The following GALNT9 variants were observed in gnomAD, a reference collection of about 807,000 sequenced individuals.
The protein encoded by GALNT9 is GalNAc transferase 9.
A neutral mutation model predicts 63.1 loss-of-function variants in GALNT9; 47 were observed. The observed-to-expected ratio is 0.75, with a 90% CI of 0.59 to 0.95. GALNT9 has a LOEUF of 0.95. GALNT9 is among the 40% of genes least tolerant of loss of function. GALNT9 has a pLI of 0.00. For missense variants in GALNT9, 829 were observed against 874.8 expected (o/e 0.95, Z 0.66); for synonymous variants, 396 against 365.7 (o/e 1.08, Z -0.94).
At position 132,321,010 on chromosome 12, in the gene GALNT9, C is replaced by T. The variant is rs536073177; in HGVS notation, c.238+7956G>A. ...CGCCACAGTCAGTGAGGCAGGTGCC[C>T]AGGGTGGACTCTCGCTCCAGGGGCC... On this transcript the variant is annotated intron_variant, in intron 1 of 10. Coordinates refer to ENST00000328957, the MANE Select transcript of GALNT9 (RefSeq NM_001122636.2). 3.5e-4 allele frequency among the ~76,000 whole-genome samples: 53 copies of T among 152,292 alleles called. No homozygotes were observed. In the South Asian group the frequency reaches 0.011, roughly 30 times the overall value.
chr12:132,200,925 G>T (rs1876022260), intron 8 of GALNT9, 199 bp downstream of exon 8: 1 of 580,640 alleles, frequency 1.7e-6, no homozygotes, highest in Non-Finnish European at 3.1e-6. Context: ...GCACGTGGAT[G>T]TGCCTGCATC....
At chr12:132,281,567 G>T (rs1023242202) in intron 2 of GALNT9, among the ~76,000 whole-genome samples, 1 of 152,226 alleles carries the variant, frequency 6.6e-6, no homozygotes, top group African/African-American at 2.4e-5. Flanking sequence ...TATAAACTGG[G>T]TTTCTATCAG....
At position 132,319,725 on chromosome 12, in the gene GALNT9, G is replaced by A. The variant is rs1346011539; in HGVS notation, c.238+9241C>T. 2.0e-5 allele frequency among the ~76,000 whole-genome samples: 3 copies of A among 152,182 alleles called. No homozygotes were observed. Among genetic ancestry groups the A allele is most frequent in the Non-Finnish European group, 2.9e-5 (2 of 68,026 alleles). On this transcript the variant is annotated intron_variant, in intron 1 of 10. Coordinates refer to ENST00000328957, the MANE Select transcript of GALNT9 (RefSeq NM_001122636.2). This position sits in a 1 kb window ranked among gnomAD's most constrained non-coding sequence, Gnocchi z 5.2. ...CACACAGCTGTACCCGGCACAACAC[G>A]CGGCCACAGGTCACCTCAGGTCGCC...
intron 1 of GALNT9, among the ~76,000 whole-genome samples, chr12:132,297,365 C>T (rs1376590325): frequency 2.6e-5 from 4 of 151,370 alleles, no homozygotes; most frequent in Admixed American, 1.3e-4. Context: ...AAGCCACTCC[C>T]GAGATAACCA....
intron 2 of GALNT9, among the ~76,000 whole-genome samples, chr12:132,266,277 C>T (rs965354465): frequency 6.6e-6 from 1 of 152,250 alleles, no homozygotes; most frequent in East Asian, 1.9e-4. Flanking sequence ...GGACTCCCCT[C>T]GAGCTAAGGG....
Position 132,286,159 on chromosome 12 carries a change from C to T in GALNT9, c.419+91G>A, listed in dbSNP as rs1158156227. 31 of 1,367,662 alleles carry T rather than the reference C, an allele frequency of 2.3e-5. No homozygotes were observed. Among genetic ancestry groups the T allele is most frequent in the East Asian group, 2.9e-5 (1 of 34,164 alleles). 84.7% of individuals were successfully genotyped at this position (1,367,662 alleles called of 1,614,324 possible). ...CGTGGGGGCCGCTCACTTCCCCGGC[C>T]GGCGTGGGGGGCAGTCACTTCCCTG... On this transcript the variant is annotated intron_variant, in intron 2 of 10. Transcript: ENST00000328957. The surrounding 1 kb of genome is among the most constrained non-coding windows in gnomAD (Gnocchi z 7.4).
intron 1 of GALNT9, among the ~76,000 whole-genome samples, chr12:132,297,199 A>G (rs1210418157): frequency 6.6e-6 from 1 of 151,450 alleles, no homozygotes; most frequent in African/African-American, 2.4e-5. Context: ...ACAATAACCA[A>G]CTCACTCTGA....
chr12:132,222,905 AC>A (rs1877511055), intron 6 of GALNT9, among the ~76,000 whole-genome samples: 1 of 86,526 alleles, frequency 1.2e-5, no homozygotes, highest in South Asian at 4.1e-4. Flanking sequence ...CGCACCCCAC[AC>A]CCCACATACA....
In GALNT9 at chr12:132,315,475, T is replaced by A. The variant is rs1458871802; in HGVS notation, c.238+13491A>T. 6.6e-6 allele frequency among the ~76,000 whole-genome samples: 1 copy of A among 152,258 alleles called. No individual in the cohort carries two copies. The highest frequency in any genetic ancestry group is 1.5e-5 in the Non-Finnish European group (1 of 68,052). On this transcript the variant is annotated intron_variant, in intron 1 of 10. Transcript: ENST00000328957. This position sits in a 1 kb window ranked among gnomAD's most constrained non-coding sequence, Gnocchi z 6.1. ...CCCCTTGCAGAATTCAGACCCCGTCTGTTCTTTTCTGACTTAGAAATAAAA... is the reference window on the plus strand; with the variant it reads ...CCCCTTGCAGAATTCAGACCCCGTCAGTTCTTTTCTGACTTAGAAATAAAA...
chr12:132,244,250 G>T (rs2135532345), intron 6 of GALNT9, among the ~76,000 whole-genome samples: 1 of 89,972 alleles, frequency 1.1e-5, no homozygotes, highest in East Asian at 3.0e-4. Flanking sequence ...CGGCAGGGCT[G>T]GGGCTAGACG....
intron 1 of GALNT9, among the ~76,000 whole-genome samples, chr12:132,309,868 G>A (rs1236439047): frequency 3.3e-5 from 5 of 152,366 alleles, no homozygotes; most frequent in South Asian, 2.1e-4. Context: ...GCAGACGCCC[G>A]GGCCACCACC....
chr12:132,258,950 C>T (rs541652256), intron 4 of GALNT9, among the ~76,000 whole-genome samples: 6 of 152,072 alleles, frequency 3.9e-5, no homozygotes, highest in Admixed American at 6.5e-5. Flanking sequence ...AGATTCGGGT[C>T]GGCTCAGGCA....
intron 6 of GALNT9, among the ~76,000 whole-genome samples, chr12:132,230,607 G>A (rs1427021801): frequency 6.7e-6 from 1 of 149,448 alleles, no homozygotes; most frequent in Non-Finnish European, 1.5e-5. Flanking sequence ...CTCGTGGCGG[G>A]GAAGTCCTCA....
intron 1 of GALNT9, among the ~76,000 whole-genome samples, chr12:132,318,899 C>T (rs1287103538): frequency 6.6e-6 from 1 of 152,258 alleles, no homozygotes; most frequent in Non-Finnish European, 1.5e-5. Context: ...TCAGAGATGA[C>T]AGTCCTAACG....
At chr12:132,243,307 C>G (rs1555237590) in intron 6 of GALNT9, among the ~76,000 whole-genome samples, 2 of 103,488 alleles carry the variant, frequency 1.9e-5, no homozygotes, top group African/African-American at 9.3e-5. Flanking sequence ...CTCCCTATAC[C>G]CATTACACAC....
intron 5 of GALNT9, 63 bp from the exon 6 acceptor site, chr12:132,248,090 C>T: frequency 6.7e-7 from 1 of 1,500,160 alleles, no homozygotes; most frequent in South Asian, 1.3e-5. Context: ...GCCTGCTGGG[C>T]CATGAGCCAG....
At position 132,286,504 on chromosome 12, in the gene GALNT9, C is replaced by T. The variant is rs1210836059; in HGVS notation, c.239-74G>A. 9.6e-6 allele frequency: 14 copies of T among 1,451,820 alleles called. No individual in the cohort carries two copies. Among genetic ancestry groups the T allele is most frequent in the South Asian group, 5.7e-5 (4 of 69,566 alleles). The allele number at this position is 1,451,820 out of a possible 1,614,324, so 89.9% of individuals were successfully genotyped here. ...GTCTGCACCCAGGAGACGCCCCTCC[C>T]GCCCCTCTCCCCGACGGCCGCTTCC... On this transcript the variant is annotated intron_variant, in intron 1 of 10. Transcript: ENST00000328957. This position sits in a 1 kb window ranked among gnomAD's most constrained non-coding sequence, Gnocchi z 7.4.
chr12:132,324,973 C>T (rs1868975442), intron 1 of GALNT9, among the ~76,000 whole-genome samples: 1 of 152,252 alleles, frequency 6.6e-6, no homozygotes, highest in Non-Finnish European at 1.5e-5. Flanking sequence ...TGGGGCTTCC[C>T]AAAGCAGGGG....
intron 5 of GALNT9, among the ~76,000 whole-genome samples, chr12:132,249,697 G>A (rs1321343670): frequency 1.3e-5 from 2 of 152,234 alleles, no homozygotes; most frequent in Admixed American, 1.3e-4. Flanking sequence ...GTAGCGGGTA[G>A]CGTCTTTTTT....
Sources: allele counts gnomAD v4.1 joint callset (sites outside exome capture counted in the v4.1 genomes callset), GRCh38; gene constraint gnomAD v4.1.1; non-coding constraint Gnocchi (gnomAD v3.1); transcripts MANE v1.5; gene names NCBI Gene and HGNC (gene_info 2026-07-23, HGNC 2026-07-21).